The following HERC1 variants were observed in gnomAD, a reference collection of about 807,000 sequenced individuals.
HERC1 encodes HECT and RLD domain containing E3 ubiquitin protein ligase family member 1, also known as probable E3 ubiquitin-protein ligase HERC1.
In HERC1, 160 loss-of-function variants were observed where a neutral mutation model predicts 554.3. The observed-to-expected ratio is 0.29, with a 90% confidence interval of 0.25 to 0.33. HERC1 has a LOEUF of 0.33. HERC1 is among the 10% of genes least tolerant of loss of function. The pLI, the probability that HERC1 is intolerant of heterozygous loss-of-function variation, is 1.00. For synonymous variants in HERC1, 2,175 were observed against 2,131.7 expected (o/e 1.02, Z -0.56); for missense variants, 4,919 against 5,918.5 (o/e 0.83, Z 5.54).
At position 63,696,347 on chromosome 15, in the gene HERC1, A is replaced by G; in HGVS notation, c.4906-8T>C. 6.3e-7 allele frequency: 1 copy of G among 1,591,802 alleles called. No individual in the cohort carries two copies. The highest frequency in any genetic ancestry group is 8.6e-7 in the Non-Finnish European group (1 of 1,165,894). ...AAGTGCCTCTAAACGAAGCTTGAGG[A>G]AAAAAACATATTTTAGAGTTCTTCA... On this transcript the variant is annotated splice_polypyrimidine_tract_variant and splice_region_variant and intron_variant, in intron 26 of 77. Transcript: ENST00000443617.
At chr15:63,619,177 C>G (rs1385598336) in intron 74 of HERC1, among the ~76,000 whole-genome samples, 2 of 152,114 alleles carry the variant, frequency 1.3e-5, no homozygotes, top group Non-Finnish European at 2.9e-5. Flanking sequence ...CCCATCAATA[C>G]CTAATTTATT....
chr15:63,679,121 T>C (rs1369809711), intron 36 of HERC1, among the ~76,000 whole-genome samples: 2 of 152,244 alleles, frequency 1.3e-5, no homozygotes, highest in Non-Finnish European at 2.9e-5. Context: ...TAAGTCTGAA[T>C]GAATTTCTTC....
At chr15:63,741,318 C>T (rs1247466829) in intron 12 of HERC1, among the ~76,000 whole-genome samples, 10 of 150,726 alleles carry the variant, frequency 6.6e-5, no homozygotes, top group African/African-American at 2.0e-4. Context: ...TGAGCCACCG[C>T]GCCGGGCCCA....
intron 23 of HERC1, 100 bp from the exon 24 acceptor site, chr15:63,712,995 G>A (rs2073379529): frequency 8.9e-7 from 1 of 1,127,804 alleles, no homozygotes; most frequent in Non-Finnish European, 1.2e-6. Flanking sequence ...ACACACACAG[G>A]GAGGAGTAAT....
rs771513069 is a variant in HERC1, at chr15:63,727,876, T to G, written c.3155-38A>C. ...AGAAATTAAACATGGGACAATTGCT[T>G]CAAATGAACTTTAAAAAAAGGAACC... On this transcript the variant is annotated intron_variant, in intron 16 of 77. Transcript: ENST00000443617. This position sits in a 1 kb window ranked among gnomAD's most constrained non-coding sequence, Gnocchi z 4.3. 6.6e-7 allele frequency: 1 copy of G among 1,517,614 alleles called. No homozygotes were observed. The highest frequency in any genetic ancestry group is 2.3e-5 in the East Asian group (1 of 44,224). 94.0% of individuals were successfully genotyped at this position (1,517,614 alleles called of 1,614,324 possible). A position where few individuals can be genotyped will look rare whatever the true frequency, so the allele number is the denominator to read the frequency against.
At position 63,661,908 on chromosome 15, in the gene HERC1, A is replaced by G. The variant is rs1275909193; in HGVS notation, c.9015T>C (p.Ser3005=). 6.2e-7 allele frequency: 1 copy of G among 1,613,886 alleles called. No homozygotes were observed. The highest frequency in any genetic ancestry group is 1.3e-5 in the African/African-American group (1 of 74,924). The part of the protein sequence containing the change: ...MKRNHPGCGR[S]ANRQGYRSNG... ...TGCTGCGATAGCCCTGGCGGTTTGCACTGCGCCCACAGCCTGGATGGTTTC... is the reference window on the plus strand; with the variant it reads ...TGCTGCGATAGCCCTGGCGGTTTGCGCTGCGCCCACAGCCTGGATGGTTTC... The change falls in exon 45 of 78, where the codon AGT becomes AGC. Residue 3005 remains serine, a synonymous_variant. Transcript: ENST00000443617.
chr15:63,765,052 C>T (rs2075730998), intron 2 of HERC1, among the ~76,000 whole-genome samples: 1 of 152,192 alleles, frequency 6.6e-6, no homozygotes, highest in South Asian at 2.1e-4. Context: ...TGACGGCTGA[C>T]TTATGCAAGA....
intron 45 of HERC1, 90 bp downstream of exon 45, chr15:63,661,663 T>A: frequency 7.4e-7 from 1 of 1,345,452 alleles, no homozygotes; most frequent in Non-Finnish European, 1.0e-6. Context: ...AGGTTAAATG[T>A]AACTCCTCAC....
At chr15:63,786,150 T>A (rs1435435904) in intron 1 of HERC1, among the ~76,000 whole-genome samples, 2 of 152,038 alleles carry the variant, frequency 1.3e-5, no homozygotes, top group African/African-American at 4.8e-5. Context: ...TAGTCCCAGC[T>A]ACTTAGCAGG....
intron 43 of HERC1, 80 bp downstream of exon 43, chr15:63,664,390 T>A: frequency 7.4e-7 from 1 of 1,343,340 alleles, no homozygotes; most frequent in Non-Finnish European, 1.0e-6. Context: ...ATCATTAGTT[T>A]GAATCTTCTT....
intron 13 of HERC1, among the ~76,000 whole-genome samples, chr15:63,733,857 G>A (rs59274228): frequency 0.3 from 45,632 of 150,724 alleles, 7,265 homozygotes; most frequent in Middle Eastern, 0.4. Context: ...GTCTCAAAAA[G>A]AAAAATAAAA....
intron 18 of HERC1, among the ~76,000 whole-genome samples, chr15:63,724,056 C>T (rs1200145797): frequency 1.3e-5 from 2 of 152,048 alleles, no homozygotes; most frequent in Non-Finnish European, 2.9e-5. Flanking sequence ...TTTTCTAATA[C>T]ATACAAGTAA....
At chr15:63,657,528 C>G (rs1318458816) in intron 48 of HERC1, among the ~76,000 whole-genome samples, 1 of 152,082 alleles carries the variant, frequency 6.6e-6, no homozygotes, top group African/African-American at 2.4e-5. Flanking sequence ...TTTACACATT[C>G]TGTTGGTTAG....
chr15:63,643,550 C>T lies in HERC1; in HGVS notation c.11185G>A (p.Asp3729Asn), dbSNP rs764201114. The T allele has an allele frequency of 2.6e-6, 4 of 1,566,828 alleles. No homozygotes were observed. The highest frequency in any genetic ancestry group is 1.9e-5 in the Admixed American group (1 of 53,694). ...GCTCCTGATGATTTCCTATATCCATCCTGAAATTCATTATTTTTAACATGC... is the reference window on the plus strand; with the variant it reads ...GCTCCTGATGATTTCCTATATCCATTCTGAAATTCATTATTTTTAACATGC... ...GWWEQESNCQ[D>N]GYRKSSGAKC... is the part of the protein sequence containing the mutation. The change falls in exon 58 of 78, where the codon GAT (aspartate) becomes AAT (asparagine). Residue 3729 changes from aspartate to asparagine, a missense_variant and splice_region_variant. Coordinates refer to ENST00000443617, the MANE Select transcript of HERC1 (RefSeq NM_003922.4).
chr15:63,718,461 T>A lies in HERC1; in HGVS notation c.3978+113A>T, dbSNP rs1015819860. The A allele has an allele frequency of 2.2e-6, 2 of 896,816 alleles. No homozygotes were observed. The highest frequency in any genetic ancestry group is 3.3e-5 in the Admixed American group (1 of 30,376). 55.6% of individuals were successfully genotyped at this position (896,816 alleles called of 1,614,324 possible). On this transcript the variant is annotated intron_variant, in intron 21 of 77. Transcript: ENST00000443617. This position sits in a 1 kb window ranked among gnomAD's most constrained non-coding sequence, Gnocchi z 4.2. ...CTGCTAGGAAAAGAACTACTCAACATGTATTGAACATATGCAATAACCAAG... is the reference window on the plus strand; with the variant it reads ...CTGCTAGGAAAAGAACTACTCAACAAGTATTGAACATATGCAATAACCAAG...
intron 2 of HERC1, among the ~76,000 whole-genome samples, chr15:63,767,062 C>T (rs773093793): frequency 1.3e-5 from 2 of 151,108 alleles, no homozygotes; most frequent in East Asian, 2.0e-4. Context: ...AGTGCAGTAG[C>T]GCAGTCTCGG....
rs150326607 is a variant in HERC1, at chr15:63,764,092, G to C, written c.1026+4C>G. The C allele has an allele frequency of 1.4e-4, 217 of 1,591,338 alleles. 1 individual carries two copies. The East Asian group carries it at 4.4e-3, about 33-fold the overall frequency. ...TTAATACAAAAGCCACGATTATTAC[G>C]TACCTCTTCAAAGAGACATAATGCT... On this transcript the variant is annotated splice_donor_region_variant and intron_variant, in intron 3 of 77. Transcript: ENST00000443617.
chr15:63,664,099 T>C (rs953807832), intron 43 of HERC1, among the ~76,000 whole-genome samples: 1 of 152,236 alleles, frequency 6.6e-6, no homozygotes, highest in Non-Finnish European at 1.5e-5. Context: ...AGCCAGGGCC[T>C]ACTTTTTTGG....
intron 1 of HERC1, among the ~76,000 whole-genome samples, chr15:63,787,219 C>T (rs1451275814): frequency 6.6e-6 from 1 of 151,910 alleles, no homozygotes; most frequent in Non-Finnish European, 1.5e-5. Context: ...TGCAGTGGTG[C>T]AATCTCCGTT....
Sources: gnomAD v4.1 joint callset for allele counts (sites outside exome capture counted in the v4.1 genomes callset) on GRCh38, gnomAD v4.1.1 for gene constraint, Gnocchi (gnomAD v3.1) non-coding constraint, MANE v1.5 for transcripts, NCBI Gene and HGNC (gene_info 2026-07-23, HGNC 2026-07-21) for gene names.